The following ADAMTSL1 variants were observed in gnomAD, a reference collection of about 807,000 sequenced individuals.
The protein encoded by ADAMTSL1 is ADAMTS like 1, also known as ADAMTS-like protein 1.
ADAMTSL1 carries 126 observed loss-of-function variants against 201.8 expected under a neutral mutation model. The observed-to-expected ratio is 0.62, with a 90% CI of 0.54 to 0.72. ADAMTSL1 has a LOEUF of 0.72. Among genes scored for constraint, ADAMTSL1 ranks in the 30% least tolerant of loss-of-function variants. The pLI, the probability that ADAMTSL1 is intolerant of heterozygous loss-of-function variation, is 0.00. For missense variants in ADAMTSL1, 2,679 were observed against 2,277.8 expected, an observed-to-expected ratio of 1.18 and a Z score of -3.59; for synonymous variants, 1,121 against 903.4, an observed-to-expected ratio of 1.24 and a Z score of -4.32.
At position 17,985,502 on chromosome 9, in the gene ADAMTSL1, A is replaced by G. The variant is rs143688483; in HGVS notation, c.87+78580A>G. On this transcript the variant is annotated intron_variant, in intron 1 of 29. Coordinates refer to the ADAMTSL1 transcript ENST00000680146. The stretch of plus-strand genomic sequence containing the variant: ...TTTATAGTTCTGAGTACTACAAAAA[A>G]GATACTTGAGCTAAGATATAAAGGT... Among the ~76,000 whole-genome samples the G allele has an allele frequency of 3.0e-3, 451 of 152,280 alleles. 3 individuals are homozygous for G. Among genetic ancestry groups the G allele is most frequent in the South Asian group, 0.024 (118 of 4,828 alleles).
chr9:18,902,446 A>T (rs1278349268), intron 26 of ADAMTSL1, among the ~76,000 whole-genome samples: 1 of 151,938 alleles, frequency 6.6e-6, no homozygotes, highest in Non-Finnish European at 1.5e-5. Flanking sequence ...AGAAGTCAAC[A>T]GCAGAAGTAA....
At chr9:17,931,696 T>C (rs1054600965) in intron 1 of ADAMTSL1, among the ~76,000 whole-genome samples, 20 of 152,164 alleles carry the variant, frequency 1.3e-4, no homozygotes, top group African/African-American at 4.6e-4. Context: ...TTGATTGACA[T>C]TTATCAGAAA....
At chr9:18,803,756 TC>T (rs1822940638) in intron 20 of ADAMTSL1, among the ~76,000 whole-genome samples, 1 of 152,240 alleles carries the variant, frequency 6.6e-6, no homozygotes, top group South Asian at 2.1e-4. Context: ...ATGTCTGTGC[TC>T]TGAATATAGC....
chr9:18,194,677 C>T (rs372865621), intron 2 of ADAMTSL1, among the ~76,000 whole-genome samples: 1 of 152,056 alleles, frequency 6.6e-6, no homozygotes, highest in Non-Finnish European at 1.5e-5. Flanking sequence ...GGCCCAGGGT[C>T]TAGGACTGTA....
At chr9:18,199,113 G>T (rs898200064) in intron 2 of ADAMTSL1, among the ~76,000 whole-genome samples, 1 of 145,252 alleles carries the variant, frequency 6.9e-6, no homozygotes, top group Non-Finnish European at 1.5e-5. Flanking sequence ...CTGTTGTGGG[G>T]TCGGGGGAGG....
chr9:18,867,182 A>G (rs1458502194), intron 23 of ADAMTSL1, among the ~76,000 whole-genome samples: 2 of 152,248 alleles, frequency 1.3e-5, no homozygotes, highest in Admixed American at 1.3e-4. Context: ...CAACCAACCT[A>G]AAGTTGTCAG....
intron 1 of ADAMTSL1, among the ~76,000 whole-genome samples, chr9:18,088,500 G>A (rs1302176676): frequency 6.6e-6 from 1 of 152,062 alleles, no homozygotes; most frequent in African/African-American, 2.4e-5. Flanking sequence ...TTATATATTC[G>A]ATAAGGAGTT....
chr9:18,291,774 C>CACACACACACAT (rs1461176393), intron 2 of ADAMTSL1, among the ~76,000 whole-genome samples: 1 of 144,810 alleles, frequency 6.9e-6, no homozygotes, highest in African/African-American at 2.6e-5. Flanking sequence ...CACACACACA[C>CACACACACACAT]ACACATCCCT....
At chr9:18,423,263 G>A (rs1819044577) in intron 2 of ADAMTSL1, among the ~76,000 whole-genome samples, 1 of 151,986 alleles carries the variant, frequency 6.6e-6, no homozygotes, top group African/African-American at 2.4e-5. Context: ...GATAATAATG[G>A]AAAAAAATCA....
intron 1 of ADAMTSL1, among the ~76,000 whole-genome samples, chr9:17,950,988 A>G (rs534335090): frequency 2.6e-5 from 4 of 152,086 alleles, no homozygotes; most frequent in Non-Finnish European, 4.4e-5. Context: ...CTGTCTAGAG[A>G]GGCCTCATAC....
At chr9:18,778,795 G>C (rs1177833745) in intron 19 of ADAMTSL1, among the ~76,000 whole-genome samples, 2 of 152,156 alleles carry the variant, frequency 1.3e-5, no homozygotes, top group African/African-American at 4.8e-5. Context: ...ATTTACTAAA[G>C]GTTGTATTTA....
At chr9:18,582,490 GC>G (rs1823164415) in intron 4 of ADAMTSL1, among the ~76,000 whole-genome samples, 1 of 152,160 alleles carries the variant, frequency 6.6e-6, no homozygotes, top group South Asian at 2.1e-4. Flanking sequence ...AATTATGAGA[GC>G]AGATCTTTCC....
chr9:18,425,901 G>A (rs1001814822), intron 2 of ADAMTSL1, among the ~76,000 whole-genome samples: 5 of 150,786 alleles, frequency 3.3e-5, no homozygotes, highest in African/African-American at 1.2e-4. Flanking sequence ...TTCGGAAAGT[G>A]AGGAGAAAAG....
At chr9:18,907,685 T>C (rs1287884205) in intron 28 of ADAMTSL1, 1 of 152,538 alleles carries the variant, frequency 6.6e-6, no homozygotes, top group Non-Finnish European at 1.5e-5. Context: ...AGCCCACTTC[T>C]TTTTACACGC....
At position 18,706,136 on chromosome 9, in the gene ADAMTSL1, T is replaced by C. The variant is rs140944792; in HGVS notation, c.1575-611T>C. Reference sequence around the variant, plus strand: ...TGCTAAACTAGGGGTAGATTATTCATGAGTTTTCCAGGAAAGGAATGGAGA... The same window carrying C: ...TGCTAAACTAGGGGTAGATTATTCACGAGTTTTCCAGGAAAGGAATGGAGA... On this transcript the variant is annotated intron_variant, in intron 13 of 28. Coordinates refer to ENST00000380548, the MANE Select transcript of ADAMTSL1 (RefSeq NM_001040272.6). Among the ~76,000 whole-genome samples the C allele has an allele frequency of 8.3e-3, 1,265 of 152,340 alleles. 28 individuals are homozygous for C. The highest frequency in any genetic ancestry group is 0.028 in the African/African-American group (1,182 of 41,578).
At chr9:18,855,041 A>G (rs950398269) in intron 23 of ADAMTSL1, among the ~76,000 whole-genome samples, 2 of 152,072 alleles carry the variant, frequency 1.3e-5, no homozygotes, top group Non-Finnish European at 2.9e-5. Context: ...TAGGATTGGG[A>G]ACCTATATTC....
intron 2 of ADAMTSL1, among the ~76,000 whole-genome samples, chr9:18,254,667 G>GC (rs530444304): frequency 0.11 from 4,783 of 41,764 alleles, 183 homozygotes; most frequent in African/African-American, 0.25. Context: ...CTGCCCCCCC[G>GC]CCCCCCCCAG....
At chr9:18,444,986 A>C (rs1304874415) in intron 2 of ADAMTSL1, among the ~76,000 whole-genome samples, 1 of 152,120 alleles carries the variant, frequency 6.6e-6, no homozygotes, top group African/African-American at 2.4e-5. Flanking sequence ...AAAGTCAGAG[A>C]GTTTAGGTAA....
intron 2 of ADAMTSL1, among the ~76,000 whole-genome samples, chr9:18,399,157 T>A (rs1030076005): frequency 6.6e-6 from 1 of 151,292 alleles, no homozygotes; most frequent in African/African-American, 2.4e-5. Flanking sequence ...CTGCCAAGTG[T>A]CAGAAGCATT....
Sources: allele counts gnomAD v4.1 joint callset (sites outside exome capture counted in the v4.1 genomes callset), GRCh38; gene constraint gnomAD v4.1.1; transcripts MANE v1.5; gene names NCBI Gene and HGNC (gene_info 2026-07-23, HGNC 2026-07-21).